MREG: variants seen among roughly 807,000 people sequenced by gnomAD.
The protein encoded by MREG is melanoregulin.
A neutral mutation model predicts 28.5 loss-of-function variants in MREG; 31 were observed. That is an observed-to-expected ratio of 1.09 (90% CI 0.82 to 1.47). MREG has a LOEUF of 1.47. Ranked by LOEUF, MREG falls within the 40% of genes most tolerant of loss-of-function variation. The pLI, the probability that MREG is intolerant of heterozygous loss-of-function variation, is 0.00. For missense variants in MREG, 256 were observed against 257.4 expected (o/e 0.99, Z 0.04); for synonymous variants, 106 against 95.2 (o/e 1.11, Z -0.66).
chr2:216,000,614 G>C (rs1190211123), intron 1 of MREG, among the ~76,000 whole-genome samples: 1 of 152,194 alleles, frequency 6.6e-6, no homozygotes, highest in Admixed American at 6.5e-5. Context: ...AGGTGGGTCA[G>C]TTCCTCTAGG....
At chr2:216,033,779 AACGCAGG>A (rs1694748399), upstream of MREG, 1 of 152,428 alleles carries the variant, frequency 6.6e-6, no homozygotes, top group African/African-American at 2.4e-5. Context: ...CACCAGGCAG[AACGCAGG>A]ACTGCCTCTC....
chr2:215,987,273 T>C (rs1338555936), intron 2 of MREG, among the ~76,000 whole-genome samples: 2 of 151,854 alleles, frequency 1.3e-5, no homozygotes, highest in Non-Finnish European at 2.9e-5. Flanking sequence ...TTAGATGAAG[T>C]CTTGCTCTGT....
At chr2:216,025,764 G>A (rs1006103873) in intron 1 of MREG, among the ~76,000 whole-genome samples, 12 of 152,218 alleles carry the variant, frequency 7.9e-5, no homozygotes, top group African/African-American at 1.9e-4. Context: ...CTTCCGGAGG[G>A]AGGATCTAGA....
chr2:216,016,454 G>T (rs1417551257), upstream of MREG, among the ~76,000 whole-genome samples: 1 of 152,216 alleles, frequency 6.6e-6, no homozygotes, highest in Non-Finnish European at 1.5e-5. Context: ...AGTTGGATTT[G>T]CTGAGAATGG....
chr2:216,032,275 A>G (rs1004187846), intron 1 of MREG, among the ~76,000 whole-genome samples: 1 of 152,234 alleles, frequency 6.6e-6, no homozygotes, highest in Non-Finnish European at 1.5e-5. Flanking sequence ...CAAAAGCCAA[A>G]TGGTCCAAAA....
At chr2:216,011,624 T>C (rs569657021) in intron 1 of MREG, among the ~76,000 whole-genome samples, 3 of 152,342 alleles carry the variant, frequency 2.0e-5, no homozygotes, top group Non-Finnish European at 4.4e-5. Context: ...ACAAGCCCTA[T>C]GCTACTCCGC....
chr2:215,956,285 T>C (rs1559175919), intron 2 of MREG, among the ~76,000 whole-genome samples: 1 of 152,140 alleles, frequency 6.6e-6, no homozygotes, highest in African/African-American at 2.4e-5. Context: ...TTAATATATG[T>C]AAAGAGATAA....
chr2:216,000,723 T>G (rs1049876652), intron 1 of MREG, among the ~76,000 whole-genome samples: 1 of 152,182 alleles, frequency 6.6e-6, no homozygotes, highest in Non-Finnish European at 1.5e-5. Context: ...AAAGTACTTG[T>G]TGAACGCAAC....
chr2:215,993,654 T>G (rs1242122438), intron 2 of MREG, among the ~76,000 whole-genome samples: 3 of 152,184 alleles, frequency 2.0e-5, no homozygotes, highest in Admixed American at 6.5e-5. Flanking sequence ...AGAAAATTTT[T>G]GCAATCTATC....
intron 2 of MREG, among the ~76,000 whole-genome samples, chr2:215,964,860 T>C (rs549238563): frequency 8.1e-6 from 1 of 123,998 alleles, no homozygotes; most frequent in Non-Finnish European, 1.7e-5. Context: ...GATAGATAGA[T>C]AGATAGATAG....
At chr2:216,002,989 T>G (rs1694058483) in intron 1 of MREG, among the ~76,000 whole-genome samples, 1 of 151,784 alleles carries the variant, frequency 6.6e-6, no homozygotes, top group East Asian at 1.9e-4. Flanking sequence ...TCTCTTTCTG[T>G]CTCTCCTTCC....
At chr2:215,982,818 T>G (rs1304591202) in intron 2 of MREG, among the ~76,000 whole-genome samples, 1 of 152,158 alleles carries the variant, frequency 6.6e-6, no homozygotes, top group Non-Finnish European at 1.5e-5. Flanking sequence ...AGTGACAAAG[T>G]CTCTAATCAT....
At chr2:216,005,758 G>A (rs1694136911) in intron 1 of MREG, among the ~76,000 whole-genome samples, 1 of 146,360 alleles carries the variant, frequency 6.8e-6, no homozygotes, top group Non-Finnish European at 1.5e-5. Context: ...CCAGCCTATA[G>A]TTATTCTTTA....
At chr2:215,997,020 A>G (rs1273332759) in intron 1 of MREG, among the ~76,000 whole-genome samples, 1 of 152,136 alleles carries the variant, frequency 6.6e-6, no homozygotes, top group Non-Finnish European at 1.5e-5. Context: ...GCCTCAAGTG[A>G]TCTGTCCACC....
intron 1 of MREG, among the ~76,000 whole-genome samples, chr2:216,031,668 A>C (rs1024154563): frequency 3.9e-4 from 31 of 79,560 alleles, no homozygotes; most frequent in African/African-American, 1.8e-3. Flanking sequence ...AGAAAGAAAG[A>C]AAGAAAGAAA....
chr2:215,969,893 G>GA (rs1344128006), intron 2 of MREG, among the ~76,000 whole-genome samples: 1 of 152,080 alleles, frequency 6.6e-6, no homozygotes, highest in Non-Finnish European at 1.5e-5. Context: ...CAGAGGGAAA[G>GA]AAAAAACCTT....
At chr2:215,981,123 T>C (rs35052245) in intron 2 of MREG, among the ~76,000 whole-genome samples, 44,057 of 151,938 alleles carry the variant, frequency 0.29, 6,551 homozygotes, top group African/African-American at 0.33. Context: ...ATTAAATAAA[T>C]TACTCTATGA....
At chr2:216,000,573 G>A (rs970464687) in intron 1 of MREG, among the ~76,000 whole-genome samples, 3 of 152,230 alleles carry the variant, frequency 2.0e-5, no homozygotes, top group South Asian at 4.2e-4. Context: ...TCCCCCAGAT[G>A]TGTTTCATTT....
chr2:215,962,036 T>A (rs7575392), intron 2 of MREG, among the ~76,000 whole-genome samples: 1 of 152,224 alleles, frequency 6.6e-6, no homozygotes, highest in African/African-American at 2.4e-5. Flanking sequence ...CTCTTTGCAA[T>A]GCTCAACTGT....
Sources: allele counts gnomAD v4.1 joint callset (sites outside exome capture counted in the v4.1 genomes callset), GRCh38; gene constraint gnomAD v4.1.1; transcripts MANE v1.5; gene names NCBI Gene and HGNC (gene_info 2026-07-23, HGNC 2026-07-21).